LINGO2: variants seen among roughly 807,000 people sequenced by gnomAD.
LINGO2 encodes the protein leucine-rich repeat and immunoglobulin-like domain-containing nogo receptor-interacting protein 2.
LINGO2 carries 14 observed loss-of-function variants against 30.6 expected under a neutral mutation model. That is an observed-to-expected ratio of 0.46 (90% CI 0.30 to 0.72). LINGO2 has a LOEUF of 0.72. Ranked by LOEUF, LINGO2 falls within the 30% of genes least tolerant of loss-of-function variation. The pLI is 0.07. For synonymous variants in LINGO2, 317 were observed against 288.5 expected (o/e 1.10, Z -1.00); for missense variants, 729 against 751.7 (o/e 0.97, Z 0.35).
chr9:28,045,565 T>C lies in LINGO2; in HGVS notation c.-86-33160A>G, dbSNP rs138718559. ...GTATGAGAGAAAAGATTGAGAATTA[T>C]TGTTCTAAAATGTAAATAGTTTGTG... On this transcript the variant is annotated intron_variant, in intron 4 of 5. Transcript: ENST00000379992. Among the ~76,000 whole-genome samples the C allele has an allele frequency of 1.4e-3, 209 of 152,342 alleles. 2 individuals are homozygous for C. Among genetic ancestry groups the C allele is most frequent in the African/African-American group, 4.9e-3 (202 of 41,582 alleles).
At chr9:28,574,620 T>C (rs1823864950) in intron 1 of LINGO2, among the ~76,000 whole-genome samples, 1 of 152,280 alleles carries the variant, frequency 6.6e-6, no homozygotes, top group African/African-American at 2.4e-5. Context: ...CTATATTTTT[T>C]CCATTATTAT....
the LINGO2 span, among the ~76,000 whole-genome samples, chr9:29,001,231 G>A: frequency 6.6e-6 from 1 of 151,848 alleles, no homozygotes; most frequent in South Asian, 2.1e-4. Context: ...TCATAATGGT[G>A]AAATCTACTC....
chr9:28,040,059 CTT>C (rs1346739905), intron 4 of LINGO2, among the ~76,000 whole-genome samples: 1 of 152,178 alleles, frequency 6.6e-6, no homozygotes. Context: ...TCCTGGGAGA[CTT>C]TTTCAAAACC....
the LINGO2 span, among the ~76,000 whole-genome samples, chr9:29,207,964 A>G: frequency 5.3e-5 from 8 of 152,052 alleles, no homozygotes; most frequent in African/African-American, 1.9e-4. Context: ...TAATTCACAT[A>G]ATGAAAATAA....
At chr9:28,500,994 A>G (rs1819859470) in intron 1 of LINGO2, among the ~76,000 whole-genome samples, 1 of 152,172 alleles carries the variant, frequency 6.6e-6, no homozygotes. Context: ...CAGGAAAATA[A>G]CATGTAAGTA....
At chr9:28,426,482 T>C (rs890379584) in intron 2 of LINGO2, among the ~76,000 whole-genome samples, 2 of 152,086 alleles carry the variant, frequency 1.3e-5, no homozygotes, top group Non-Finnish European at 2.9e-5. Flanking sequence ...TGAAATGAAT[T>C]TTGCATGGAC....
At chr9:28,201,837 C>T (rs1173739671) in intron 4 of LINGO2, among the ~76,000 whole-genome samples, 2 of 151,752 alleles carry the variant, frequency 1.3e-5, no homozygotes, top group African/African-American at 4.8e-5. Flanking sequence ...ATTTAAATTC[C>T]TCTACAACCT....
At chr9:28,570,211 A>G (rs1388436374) in intron 1 of LINGO2, among the ~76,000 whole-genome samples, 3 of 151,998 alleles carry the variant, frequency 2.0e-5, no homozygotes, top group Admixed American at 6.6e-5. Context: ...AATAATTGAC[A>G]TTACTTACTT....
chr9:28,535,243 C>T (rs72713581), intron 1 of LINGO2, among the ~76,000 whole-genome samples: 3,152 of 152,066 alleles, frequency 0.021, 59 homozygotes, highest in Middle Eastern at 0.058. Flanking sequence ...GTGTGCCTTA[C>T]GAGAATGCTA....
chr9:28,305,965 C>T (rs1200428864), intron 3 of LINGO2, among the ~76,000 whole-genome samples: 1 of 152,024 alleles, frequency 6.6e-6, no homozygotes, highest in East Asian at 1.9e-4. Flanking sequence ...TCATAGAAAA[C>T]TCAGAGTATA....
chr9:28,151,614 T>C (rs2133557107), intron 4 of LINGO2, among the ~76,000 whole-genome samples: 1 of 151,946 alleles, frequency 6.6e-6, no homozygotes, highest in South Asian at 2.1e-4. Flanking sequence ...TATGACTATT[T>C]AAATAAAGAA....
intron 3 of LINGO2, among the ~76,000 whole-genome samples, chr9:28,345,963 T>TA (rs1819548683): frequency 6.6e-6 from 1 of 152,180 alleles, no homozygotes; most frequent in Non-Finnish European, 1.5e-5. Context: ...AAAAGATTTA[T>TA]AAAAAATAAC....
the LINGO2 span, among the ~76,000 whole-genome samples, chr9:29,202,605 T>C: frequency 6.6e-6 from 1 of 152,100 alleles, no homozygotes; most frequent in South Asian, 2.1e-4. Context: ...CATGGTTTTC[T>C]ACCATTATTA....
At chr9:28,284,599 T>TA (rs1823440815) in intron 4 of LINGO2, among the ~76,000 whole-genome samples, 1 of 152,208 alleles carries the variant, frequency 6.6e-6, no homozygotes, top group Admixed American at 6.5e-5. Flanking sequence ...AAAAAAAGGT[T>TA]AAAGGCATAA....
intron 2 of LINGO2, among the ~76,000 whole-genome samples, chr9:28,402,406 A>G (rs1822308579): frequency 6.6e-6 from 1 of 152,188 alleles, no homozygotes; most frequent in Non-Finnish European, 1.5e-5. Context: ...CATTGAAAAA[A>G]GTGAGATTAG....
At chr9:28,384,599 G>A (rs1008376669) in intron 2 of LINGO2, among the ~76,000 whole-genome samples, 18 of 151,384 alleles carry the variant, frequency 1.2e-4, no homozygotes, top group African/African-American at 3.6e-4. Context: ...CCTCAAATAC[G>A]TCTGTCATGT....
intron 2 of LINGO2, among the ~76,000 whole-genome samples, chr9:28,437,100 G>A (rs1319776320): frequency 5.3e-5 from 8 of 152,194 alleles, no homozygotes; most frequent in East Asian, 3.9e-4. Flanking sequence ...CCTATTGGGT[G>A]TTATCAAAGG....
chr9:28,328,486 C>A (rs905458664), intron 3 of LINGO2, among the ~76,000 whole-genome samples: 1 of 150,828 alleles, frequency 6.6e-6, no homozygotes, highest in African/African-American at 2.4e-5. Flanking sequence ...CTCTAAGGGG[C>A]TGGTTATTAT....
the LINGO2 span, among the ~76,000 whole-genome samples, chr9:28,830,524 G>C: frequency 6.6e-6 from 1 of 151,958 alleles, no homozygotes; most frequent in African/African-American, 2.4e-5. Flanking sequence ...TAAAGTACAG[G>C]GTGGACAGAT....
Sources: allele counts gnomAD v4.1 joint callset (sites outside exome capture counted in the v4.1 genomes callset), GRCh38; gene constraint gnomAD v4.1.1; transcripts MANE v1.5; gene names NCBI Gene and HGNC (gene_info 2026-07-23, HGNC 2026-07-21).